The following KRR1 variants were observed in gnomAD, a reference collection of about 807,000 sequenced individuals.
The protein encoded by KRR1 is KRR1 small subunit processome component.
In KRR1, 23 loss-of-function variants were observed where a neutral mutation model predicts 50.0. The observed-to-expected ratio is 0.46, with a 90% confidence interval of 0.33 to 0.65. The LOEUF is 0.65. KRR1 is among the 30% of genes least tolerant of loss of function. The pLI is 0.02. For missense variants in KRR1, 419 were observed against 442.4 expected, an observed-to-expected ratio of 0.95 and a Z score of 0.47; for synonymous variants, 133 against 146.3, an observed-to-expected ratio of 0.91 and a Z score of 0.66.
At chr12:75,508,163 C>A (rs1188115998) in intron 2 of KRR1, 111 bp downstream of exon 2, 3 of 588,332 alleles carry the variant, frequency 5.1e-6, no homozygotes, top group African/African-American at 2.0e-5. Context: ...CCAAAGTAAC[C>A]AGCTATGTTA....
rs2046349721 is a variant in KRR1, at chr12:75,496,038, C to G, written c.*3771G>C. 6.8e-6 allele frequency: 1 copy of G among 147,192 alleles called. No homozygotes were observed. The highest frequency in any genetic ancestry group is 1.4e-5 in the Non-Finnish European group (1 of 72,830). The allele number at this position is 147,192 out of a possible 1,614,324, so 9.1% of individuals were successfully genotyped here. On this transcript the variant is annotated 3_prime_UTR_variant, in exon 10 of 10. Transcript: ENST00000229214. ...TTTTTTTTTGAGACAGAGTCTTGCT[C>G]TGTCACCCATGCTAGAGTGCAGTGG...
At position 75,502,296 on chromosome 12, in the gene KRR1, T is replaced by C. The variant is rs116960901; in HGVS notation, c.832-296A>G. 1,315 of 251,182 alleles carry C rather than the reference T, an allele frequency of 5.2e-3. 10 individuals are homozygous for C. The highest frequency in any genetic ancestry group is 0.014 in the Admixed American group (267 of 19,610). 15.6% of individuals were successfully genotyped at this position (251,182 alleles called of 1,614,324 possible). On this transcript the variant is annotated intron_variant, in intron 7 of 9. Coordinates refer to ENST00000229214, the MANE Select transcript of KRR1 (RefSeq NM_007043.7). ...CTGGAGAGAGAGTTTTGGGGAAAAT[T>C]TGAAGAAGCTTCAATGGCAGACAAA...
chr12:75,503,830 C>G (rs1167853251), intron 7 of KRR1, 74 bp downstream of exon 7: 1 of 1,331,862 alleles, frequency 7.5e-7, no homozygotes. Flanking sequence ...ACCTGAAATA[C>G]TTTCAATAAA....
chr12:75,499,693 A>T lies in KRR1; in HGVS notation c.*116T>A. ...GAACACTCTTCTATGAACAACCACC[A>T]CCACCAAAAAAAAAAAAAGCCCTCA... On this transcript the variant is annotated 3_prime_UTR_variant, in exon 10 of 10. Coordinates refer to ENST00000229214, the MANE Select transcript of KRR1 (RefSeq NM_007043.7). The T allele has an allele frequency of 1.7e-6, 1 of 598,368 alleles. No individual in the cohort carries two copies. Among genetic ancestry groups the T allele is most frequent in the Non-Finnish European group, 2.7e-6 (1 of 371,068 alleles). 37.1% of individuals were successfully genotyped at this position (598,368 alleles called of 1,614,324 possible).
Position 75,505,228 on chromosome 12 carries a change from C to T in KRR1, c.630G>A (p.Met210Ile), listed in dbSNP as rs1415938217. 1 of 1,571,998 alleles carries T rather than the reference C, an allele frequency of 6.4e-7. No homozygotes were observed. Among genetic ancestry groups the T allele is most frequent in the Admixed American group, 1.8e-5 (1 of 54,458 alleles). ...KEVRKVVLDTMKNIHPIYNIK... is the reference protein window; with the variant it reads ...KEVRKVVLDTIKNIHPIYNIK... ...TGTTATAAATTGGATGAATATTCTT[C>T]ATAGTATCAAGGACTACTTTTCTAA... The change falls in exon 6 of 10, where the codon ATG becomes ATA. Residue 210 changes from methionine to isoleucine, a missense_variant. Coordinates refer to ENST00000229214, the MANE Select transcript of KRR1 (RefSeq NM_007043.7).
Position 75,499,781 on chromosome 12 carries a change from T to C in KRR1, c.*28A>G, listed in dbSNP as rs201268191. The C allele has an allele frequency of 6.8e-5, 105 of 1,545,348 alleles. No homozygotes were observed. Among genetic ancestry groups the C allele is most frequent in the Non-Finnish European group, 8.7e-5 (100 of 1,144,968 alleles). On this transcript the variant is annotated 3_prime_UTR_variant, in exon 10 of 10. Transcript: ENST00000229214. ...TCTCAAAATCCTTTACAAAAGGAGA[T>C]AGTTCTAGTCAAGGAGTTTTGGGTA...
At chr12:75,508,528 C>T in intron 1 of KRR1, 82 bp from the exon 2 acceptor site, 1 of 993,610 alleles carries the variant, frequency 1.0e-6, no homozygotes. Context: ...CTTTTGGACA[C>T]TTTATGAACA....
rs1374062751 is a variant in KRR1 at position 75,511,581 on chromosome 12, A to G, written c.17T>C (p.Leu6Pro). MASPS[L>P]ERPEKGAGKS... ...TCCAGCGCCTTTTTCTGGCCGCTCCAGCGAGGGAGACGCCATTTGCAAGCT... is the reference window on the plus strand; with the variant it reads ...TCCAGCGCCTTTTTCTGGCCGCTCCGGCGAGGGAGACGCCATTTGCAAGCT... The change falls in exon 1 of 10, where the codon CTG (leucine) becomes CCG (proline). Residue 6 changes from leucine (L) to proline (P), a missense_variant. Coordinates refer to ENST00000229214, the MANE Select transcript of KRR1 (RefSeq NM_007043.7). 1.6e-5 allele frequency: 26 copies of G among 1,614,070 alleles called. No homozygotes were observed. The highest frequency in any genetic ancestry group is 2.2e-5 in the Non-Finnish European group (26 of 1,179,930).
Position 75,507,283 on chromosome 12 carries a change from A to C in KRR1, c.259-367T>G, listed in dbSNP as rs538404957. On this transcript the variant is annotated intron_variant, in intron 2 of 9. Transcript: ENST00000229214. ...CCTATTCTGGACCCAGCTCCAGTCT[A>C]CCATCTGCTCCATTGGGTAAGAATT... 1.2e-3 allele frequency among the ~76,000 whole-genome samples: 186 copies of C among 152,306 alleles called. 1 individual carries two copies. The highest frequency in any genetic ancestry group is 4.2e-3 in the African/African-American group (175 of 41,582).
intron 5 of KRR1, 61 bp downstream of exon 5, chr12:75,506,255 A>G: frequency 9.5e-7 from 1 of 1,051,300 alleles, no homozygotes; most frequent in South Asian, 1.4e-5. Flanking sequence ...AATAAACTAT[A>G]TTATAACCAA....
At position 75,491,176 on chromosome 12, in the gene KRR1, G is replaced by A. The variant is rs1355861604; in HGVS notation, c.*8633C>T. On this transcript the variant is annotated 3_prime_UTR_variant, in exon 10 of 10. Transcript: ENST00000229214. ...AGTGATTTTAATCATAAAAATGATAGATTGTTTATATAATGCTTACAATGC... is the reference window on the plus strand; with the variant it reads ...AGTGATTTTAATCATAAAAATGATAAATTGTTTATATAATGCTTACAATGC... 1.4e-5 allele frequency: 1 copy of A among 70,666 alleles called. No homozygotes were observed. The highest frequency in any genetic ancestry group is 3.8e-5 in the African/African-American group (1 of 26,342). The allele number at this position is 70,666 out of a possible 1,614,324, so 4.4% of individuals were successfully genotyped here.
In KRR1 at chr12:75,495,662, G is replaced by C. The variant is rs2046346092; in HGVS notation, c.*4147C>G. 1 of 1,581,620 alleles carries C rather than the reference G, an allele frequency of 6.3e-7. No individual in the cohort carries two copies. Among genetic ancestry groups the C allele is most frequent in the Non-Finnish European group, 8.7e-7 (1 of 1,150,820 alleles). On this transcript the variant is annotated 3_prime_UTR_variant, in exon 10 of 10. Coordinates refer to ENST00000229214, the MANE Select transcript of KRR1 (RefSeq NM_007043.7). Reference sequence around the variant, plus strand: ...TGACAAGTGTTTGGACAATCTCTGTGGTGAGTAAAAGGAACAATACACCAA... The same window carrying C: ...TGACAAGTGTTTGGACAATCTCTGTCGTGAGTAAAAGGAACAATACACCAA...
intron 1 of KRR1, among the ~76,000 whole-genome samples, 171 bp downstream of exon 1, chr12:75,511,342 A>C (rs2046447584): frequency 6.6e-6 from 1 of 152,138 alleles, no homozygotes; most frequent in South Asian, 2.1e-4. Flanking sequence ...GTGGCACCAT[A>C]TCGGCCAGCC....
chr12:75,511,554 T>C lies in KRR1; in HGVS notation c.44A>G (p.Lys15Arg). 6.2e-7 allele frequency: 1 copy of C among 1,614,146 alleles called. No homozygotes were observed. The highest frequency in any genetic ancestry group is 2.2e-5 in the East Asian group (1 of 44,880). ...CGGCTTCTGGTTACGAAATTCACTT[T>C]TTCCAGCGCCTTTTTCTGGCCGCTC... ...SLERPEKGAG[K>R]SEFRNQKPKP... Residue 15 changes from lysine to arginine, a missense_variant, in exon 1 of 10, where the codon AAA becomes AGA. Transcript: ENST00000229214.
chr12:75,499,147 C>CTCA lies in KRR1; in HGVS notation c.*659_*661dup. 2.1e-6 allele frequency: 1 copy of CTCA among 467,472 alleles called. No individual in the cohort carries two copies. The highest frequency in any genetic ancestry group is 3.5e-5 in the East Asian group (1 of 28,828). The allele number at this position is 467,472 out of a possible 1,614,324, so 29.0% of individuals were successfully genotyped here. A position where few individuals can be genotyped will look rare whatever the true frequency, so the allele number is the denominator to read the frequency against. ...AAATTTCCTAACTCTATCAGATAAA[C>CTCA]TCATCTTTAGTATAAATAAGCATTA... On this transcript the variant is annotated 3_prime_UTR_variant, in exon 10 of 10. Coordinates refer to ENST00000229214, the MANE Select transcript of KRR1 (RefSeq NM_007043.7).
intron 7 of KRR1, chr12:75,503,569 C>T (rs1842320): frequency 0.92 from 158,357 of 171,676 alleles, 73,187 homozygotes; most frequent in East Asian, 1. Context: ...ACAAGAACAA[C>T]CATAGAGCAC....
chr12:75,511,517 G>A lies in KRR1; in HGVS notation c.81C>T (p.Asn27=). 3.1e-6 allele frequency: 5 copies of A among 1,613,972 alleles called. No individual in the cohort carries two copies. The African/African-American group carries it at 4.0e-5, about 13-fold the overall frequency. Residue 27 remains asparagine, a synonymous_variant, in exon 1 of 10, where the codon AAC becomes AAT. Transcript: ENST00000229214. ...TCGGTTCCCACATAACATCACCTTG[G>A]TTCTCCGGCTTCGGCTTCTGGTTAC... ...EFRNQKPKPE[N]QDESELLTVP...
chr12:75,511,380 T>G, intron 1 of KRR1, 133 bp downstream of exon 1: 1 of 751,578 alleles, frequency 1.3e-6, no homozygotes, highest in Non-Finnish European at 2.2e-6. Flanking sequence ...CAAAATCTTA[T>G]CAGCGATTAT....
rs948812476 is a variant in KRR1, at chr12:75,497,727, C to T, written c.*2082G>A. On this transcript the variant is annotated 3_prime_UTR_variant, in exon 10 of 10. Coordinates refer to ENST00000229214, the MANE Select transcript of KRR1 (RefSeq NM_007043.7). ...CATAAATTCCTTCGTGGTATTCCTTCGTGGTCTCCTAGATACTGCTGGTAG... is the reference window on the plus strand; with the variant it reads ...CATAAATTCCTTCGTGGTATTCCTTTGTGGTCTCCTAGATACTGCTGGTAG... The T allele has an allele frequency of 6.6e-6, 1 of 152,062 alleles. No individual in the cohort carries two copies. Among genetic ancestry groups the T allele is most frequent in the Admixed American group, 6.6e-5 (1 of 15,254 alleles). The allele number at this position is 152,062 out of a possible 1,614,324, so 9.4% of individuals were successfully genotyped here.
Sources: gnomAD v4.1 joint callset for allele counts (sites outside exome capture counted in the v4.1 genomes callset) on GRCh38, gnomAD v4.1.1 for gene constraint, MANE v1.5 for transcripts, NCBI Gene and HGNC (gene_info 2026-07-23, HGNC 2026-07-21) for gene names.